The following STX18 variants were observed in gnomAD, a reference collection of about 807,000 sequenced individuals.
STX18 encodes the protein syntaxin 18.
Under a neutral mutation model 50.1 loss-of-function variants are expected in STX18, and 40 were observed. That is an observed-to-expected ratio of 0.80 (90% CI 0.62 to 1.04). The LOEUF is 1.04. STX18 is among the 50% of genes least tolerant of loss of function. STX18 has a pLI of 0.00. For missense variants in STX18, 410 were observed against 415.8 expected (o/e 0.99, Z 0.12); for synonymous variants, 158 against 151.8 (o/e 1.04, Z -0.30).
At chr4:4,518,103 T>C (rs1046509496) in intron 1 of STX18, among the ~76,000 whole-genome samples, 1 of 152,214 alleles carries the variant, frequency 6.6e-6, no homozygotes, top group African/African-American at 2.4e-5. Context: ...GTTGCAAATA[T>C]AATGATCTCG....
rs551991451 is a variant in STX18, at chr4:4,478,147, T to G, written c.169-6441A>C. ...TTTCTTCATAGAAAGAAACTGAGCT[T>G]CATGAGAGTATTTGTGAGAGTATTT... On this transcript the variant is annotated intron_variant, in intron 1 of 10. Coordinates refer to ENST00000306200, the MANE Select transcript of STX18 (RefSeq NM_016930.4). The G allele has an allele frequency of 5.3e-5, 8 of 152,050 alleles. No homozygotes were observed. The South Asian group carries it at 1.0e-3, about 20-fold the overall frequency. The allele number at this position is 152,050 out of a possible 1,614,324, so 9.4% of individuals were successfully genotyped here. A position where few individuals can be genotyped will look rare whatever the true frequency, so the allele number is the denominator to read the frequency against.
rs34300930 is a variant in STX18 at position 4,447,592 on chromosome 4, C to CAAAAAAAA, written c.498-9091_498-9084dup. ...GGCGACAGAGCGAGACTCCGTCTCA[C>CAAAAAAAA]AAAAAAAAAAAAAAAAAAAAAAAAA... On this transcript the variant is annotated intron_variant, in intron 5 of 10. Coordinates refer to ENST00000306200, the MANE Select transcript of STX18 (RefSeq NM_016930.4). Among the ~76,000 whole-genome samples, 57 of 45,906 alleles carry CAAAAAAAA rather than the reference C, an allele frequency of 1.2e-3. 7 individuals are homozygous for CAAAAAAAA. The highest frequency in any genetic ancestry group is 3.5e-3 in the East Asian group (3 of 854). 30.1% of individuals were successfully genotyped at this position (45,906 alleles called of 152,430 possible). A position where few individuals can be genotyped will look rare whatever the true frequency, so the allele number is the denominator to read the frequency against.
intron 1 of STX18, among the ~76,000 whole-genome samples, chr4:4,517,424 T>C (rs1242679083): frequency 6.6e-6 from 1 of 152,214 alleles, no homozygotes; most frequent in African/African-American, 2.4e-5. Flanking sequence ...GGTGTTGTGT[T>C]TTCACACAGA....
In STX18 at chr4:4,443,409, T is replaced by C. The variant is rs1301000994; in HGVS notation, c.498-4900A>G. 2.6e-5 allele frequency among the ~76,000 whole-genome samples: 4 copies of C among 152,322 alleles called. No individual in the cohort carries two copies. In the East Asian group the frequency reaches 7.7e-4, roughly 29 times the overall value. ...CATGTATAGAAGGGATATTCCTTAA[T>C]CTGATAAACACGTACAAAATCTACA... On this transcript the variant is annotated intron_variant, in intron 5 of 10. Coordinates refer to ENST00000306200, the MANE Select transcript of STX18 (RefSeq NM_016930.4).
rs545618761 is a variant in STX18, at chr4:4,530,971, C to T, written c.168+10826G>A. Among the ~76,000 whole-genome samples, 4 of 152,242 alleles carry T rather than the reference C, an allele frequency of 2.6e-5. No homozygotes were observed. The South Asian group carries it at 8.3e-4, about 32-fold the overall frequency. On this transcript the variant is annotated intron_variant, in intron 1 of 10. Transcript: ENST00000306200. ...GTATGTCAACATTCATCTTCATTTT[C>T]TTCAGTTTTGTTTTTACAGTTAAAT...
rs568782635 is a variant in STX18 at position 4,453,143 on chromosome 4, A to G, written c.497+4048T>C. Reference sequence around the variant, plus strand: ...GTTGAAATAACAAGGAAGGGCTTAGAATATTGCATAAACTTGGTTGACAAA... The same window carrying G: ...GTTGAAATAACAAGGAAGGGCTTAGGATATTGCATAAACTTGGTTGACAAA... On this transcript the variant is annotated intron_variant, in intron 5 of 10. Coordinates refer to ENST00000306200, the MANE Select transcript of STX18 (RefSeq NM_016930.4). 3.3e-5 allele frequency among the ~76,000 whole-genome samples: 5 copies of G among 152,358 alleles called. No individual in the cohort carries two copies. In the South Asian group the frequency reaches 1.0e-3, roughly 32 times the overall value.
At chr4:4,504,142 G>T (rs973641545) in intron 1 of STX18, among the ~76,000 whole-genome samples, 2 of 152,204 alleles carry the variant, frequency 1.3e-5, no homozygotes, top group African/African-American at 4.8e-5. Flanking sequence ...GCCTGAAACA[G>T]AGGAACAGCG....
chr4:4,425,083 G>A (rs1291184278), intron 8 of STX18, 81 bp downstream of exon 8: 1 of 1,336,554 alleles, frequency 7.5e-7, no homozygotes. Flanking sequence ...GGGATGCCTG[G>A]GCACCAAGGT....
intron 1 of STX18, among the ~76,000 whole-genome samples, chr4:4,510,694 A>C (rs985463618): frequency 3.9e-5 from 6 of 152,340 alleles, no homozygotes; most frequent in Admixed American, 2.0e-4. Context: ...CTATAAAGAC[A>C]CATGCACATG....
intron 5 of STX18, among the ~76,000 whole-genome samples, chr4:4,455,692 A>G (rs1169762084): frequency 1.3e-5 from 2 of 152,188 alleles, no homozygotes; most frequent in Non-Finnish European, 2.9e-5. Flanking sequence ...CTATGTGACC[A>G]GCCCCTAACA....
At chr4:4,442,302 A>G (rs893425152) in intron 5 of STX18, among the ~76,000 whole-genome samples, 1 of 152,084 alleles carries the variant, frequency 6.6e-6, no homozygotes, top group African/African-American at 2.4e-5. Flanking sequence ...ATATACACAT[A>G]AAAAAATGAA....
chr4:4,467,669 A>C (rs904780036), intron 2 of STX18, among the ~76,000 whole-genome samples: 3 of 151,164 alleles, frequency 2.0e-5, no homozygotes, highest in African/African-American at 7.3e-5. Flanking sequence ...AAATGAGATA[A>C]AATATGAATA....
At chr4:4,423,703 A>G in intron 8 of STX18, 116 bp from the exon 9 acceptor site, 1 of 995,638 alleles carries the variant, frequency 1.0e-6, no homozygotes, top group Non-Finnish European at 1.5e-6. Context: ...GACAGGGGGC[A>G]CACTGTGTCG....
intron 9 of STX18, among the ~76,000 whole-genome samples, chr4:4,421,906 A>AG (rs752644339): frequency 1.1e-4 from 16 of 152,200 alleles, no homozygotes; most frequent in South Asian, 2.1e-4. Flanking sequence ...GGGATAACAC[A>AG]GGGGGCGTCT....
intron 1 of STX18, among the ~76,000 whole-genome samples, chr4:4,502,460 A>C (rs1010309233): frequency 6.6e-6 from 1 of 152,196 alleles, no homozygotes; most frequent in South Asian, 2.1e-4. Flanking sequence ...ATGGCATAAA[A>C]GACTACTCAA....
At position 4,480,052 on chromosome 4, in the gene STX18, C is replaced by T. The variant is rs141480670; in HGVS notation, c.169-8346G>A. On this transcript the variant is annotated intron_variant, in intron 1 of 10. Transcript: ENST00000306200. ...AAGCATGTATGGTGTGACCCATATG[C>T]GTGAAACATAGGAAATGCACACCTA... 8.5e-4 allele frequency among the ~76,000 whole-genome samples: 130 copies of T among 152,186 alleles called. 1 individual carries two copies. The Middle Eastern group carries it at 0.014, about 16-fold the overall frequency.
chr4:4,484,143 T>A (rs927115152), intron 1 of STX18, among the ~76,000 whole-genome samples: 2 of 152,196 alleles, frequency 1.3e-5, no homozygotes, highest in African/African-American at 4.8e-5. Flanking sequence ...ATTACAGGTG[T>A]GAGCCACCGT....
intron 1 of STX18, among the ~76,000 whole-genome samples, chr4:4,506,263 T>C (rs1304094084): frequency 6.6e-6 from 1 of 152,226 alleles, no homozygotes; most frequent in African/African-American, 2.4e-5. Context: ...AGCAGTTCTA[T>C]TCATAATTGT....
chr4:4,493,891 G>A (rs1309310295), intron 1 of STX18, among the ~76,000 whole-genome samples: 2 of 152,164 alleles, frequency 1.3e-5, no homozygotes, highest in Non-Finnish European at 2.9e-5. Flanking sequence ...CATTTTCATG[G>A]GAAAACAGAA....
Sources: gnomAD v4.1 joint callset for allele counts (sites outside exome capture counted in the v4.1 genomes callset) on GRCh38, gnomAD v4.1.1 for gene constraint, MANE v1.5 for transcripts, NCBI Gene and HGNC (gene_info 2026-07-23, HGNC 2026-07-21) for gene names.